Variants in PRKCA observed in about 807,000 individuals in gnomAD.
The protein encoded by PRKCA is protein kinase C alpha type.
In PRKCA, 27 loss-of-function variants were observed where a neutral mutation model predicts 87.0. That is an observed-to-expected ratio of 0.31 (90% CI 0.23 to 0.43). The LOEUF (loss-of-function observed/expected upper bound fraction) is 0.43, where lower values mean the gene tolerates loss of function less well. Among genes scored for constraint, PRKCA ranks in the 20% least tolerant of loss-of-function variants. The pLI is 1.00. For synonymous variants in PRKCA, 329 were observed against 311.1 expected (o/e 1.06, Z -0.61); for missense variants, 518 against 852.3 (o/e 0.61, Z 4.88).
At chr17:66,476,780 T>C (rs944823127) in intron 2 of PRKCA, among the ~76,000 whole-genome samples, 1 of 152,208 alleles carries the variant, frequency 6.6e-6, no homozygotes, top group Non-Finnish European at 1.5e-5. Context: ...CCCTCAGTCT[T>C]GTTGCAAGTT....
Position 66,570,961 on chromosome 17 carries a change from A to G in PRKCA, c.289-70394A>G, listed in dbSNP as rs1969063144. On this transcript the variant is annotated intron_variant, in intron 3 of 16. Coordinates refer to ENST00000413366, the MANE Select transcript of PRKCA (RefSeq NM_002737.3). ...CTACATATGGAAATCACATCCACCC[A>G]CCTCTAAGGTTGCTGTGAAGGTAAG... 2.6e-5 allele frequency among the ~76,000 whole-genome samples: 4 copies of G among 152,098 alleles called. No homozygotes were observed. The South Asian group carries it at 8.3e-4, about 31-fold the overall frequency.
intron 3 of PRKCA, among the ~76,000 whole-genome samples, chr17:66,588,379 A>G (rs564510813): frequency 2.0e-5 from 3 of 152,174 alleles, no homozygotes; most frequent in Admixed American, 2.0e-4. Flanking sequence ...TCTGGATACT[A>G]ATTTTTTGTT....
At chr17:66,627,310 G>T (rs1213278088) in intron 3 of PRKCA, among the ~76,000 whole-genome samples, 4 of 147,864 alleles carry the variant, frequency 2.7e-5, no homozygotes, top group Admixed American at 2.6e-4. Flanking sequence ...CGTGGGGGTT[G>T]GGGGGAATGT....
At chr17:66,331,152 G>A (rs1046240705) in intron 2 of PRKCA, among the ~76,000 whole-genome samples, 1 of 152,136 alleles carries the variant, frequency 6.6e-6, no homozygotes, top group Non-Finnish European at 1.5e-5. Flanking sequence ...CATGTTATCA[G>A]GGGAAGGGAG....
rs566890196 is a variant in PRKCA, at chr17:66,553,913, GTA to G, written c.288+57631_288+57632del. On this transcript the variant is annotated intron_variant, in intron 3 of 16. Transcript: ENST00000413366. The stretch of plus-strand genomic sequence containing the variant: ...GGTGATCCAGAGAGTCTCCTTGAAA[GTA>G]CAGTGTTGAACCTTGGACTTTGGGG... Among the ~76,000 whole-genome samples the G allele has an allele frequency of 6.8e-4, 103 of 152,310 alleles. No homozygotes were observed. In the South Asian group the frequency reaches 0.02, roughly 30 times the overall value.
At chr17:66,476,718 T>C (rs1915550968) in intron 2 of PRKCA, among the ~76,000 whole-genome samples, 1 of 152,242 alleles carries the variant, frequency 6.6e-6, no homozygotes, top group African/African-American at 2.4e-5. Context: ...ATTGACCTTC[T>C]TGTTAGTTGG....
chr17:66,619,240 AG>A (rs1419999604), intron 3 of PRKCA, among the ~76,000 whole-genome samples: 1 of 152,196 alleles, frequency 6.6e-6, no homozygotes, highest in Non-Finnish European at 1.5e-5. Flanking sequence ...TGTTTCCAAA[AG>A]GAAACAAATT....
At chr17:66,351,662 T>G (rs1907754220) in intron 2 of PRKCA, among the ~76,000 whole-genome samples, 1 of 152,198 alleles carries the variant, frequency 6.6e-6, no homozygotes, top group East Asian at 1.9e-4. Context: ...AATATTAACT[T>G]TTTAAACGAT....
At chr17:66,718,200 T>C (rs147923256) in intron 8 of PRKCA, among the ~76,000 whole-genome samples, 1 of 152,298 alleles carries the variant, frequency 6.6e-6, no homozygotes, top group East Asian at 1.9e-4. Flanking sequence ...AAGTCTAAAA[T>C]CAAGGCAGGT....
chr17:66,363,090 C>T (rs1908492601), intron 2 of PRKCA, among the ~76,000 whole-genome samples: 1 of 152,162 alleles, frequency 6.6e-6, no homozygotes, highest in African/African-American at 2.4e-5. Context: ...TTTTAAAGTG[C>T]CCCAAACATC....
chr17:66,694,790 AAG>A (rs1386471102), intron 8 of PRKCA, among the ~76,000 whole-genome samples: 1 of 142,500 alleles, frequency 7.0e-6, no homozygotes, highest in Non-Finnish European at 1.6e-5. Flanking sequence ...AAAAAAAAAA[AAG>A]GTATCTTCTA....
At chr17:66,494,910 C>CT (rs1916403955) in intron 2 of PRKCA, among the ~76,000 whole-genome samples, 1 of 152,024 alleles carries the variant, frequency 6.6e-6, no homozygotes, top group African/African-American at 2.4e-5. Context: ...CGAGACTAGC[C>CT]TGGCCAACAT....
At chr17:66,770,080 T>C (rs1974899121) in intron 13 of PRKCA, among the ~76,000 whole-genome samples, 3 of 152,242 alleles carry the variant, frequency 2.0e-5, no homozygotes, top group Non-Finnish European at 2.9e-5. Context: ...CTCAGATTTA[T>C]ACATTTCTAG....
intron 2 of PRKCA, among the ~76,000 whole-genome samples, chr17:66,491,375 C>T (rs1055435405): frequency 1.3e-5 from 2 of 152,186 alleles, no homozygotes; most frequent in African/African-American, 4.8e-5. Context: ...CTTGCTTGAG[C>T]AAAGACTTGT....
chr17:66,679,342 G>A (rs938033123), intron 5 of PRKCA, among the ~76,000 whole-genome samples: 2 of 151,960 alleles, frequency 1.3e-5, no homozygotes, highest in Non-Finnish European at 2.9e-5. Flanking sequence ...CACCACACCC[G>A]GCTAATTTTT....
At chr17:66,340,983 A>C (rs1907009369) in intron 2 of PRKCA, among the ~76,000 whole-genome samples, 1 of 152,050 alleles carries the variant, frequency 6.6e-6, no homozygotes, top group African/African-American at 2.4e-5. Flanking sequence ...GAGTCCTTAT[A>C]TTATTTATTC....
At chr17:66,777,786 G>C (rs138078428) in intron 14 of PRKCA, 2 of 985,318 alleles carry the variant, frequency 2.0e-6, no homozygotes, top group East Asian at 1.1e-4. Context: ...ATCTGTTTCC[G>C]AGGGCGCTTT....
chr17:66,655,041 C>T (rs1325291840), intron 5 of PRKCA, among the ~76,000 whole-genome samples: 2 of 152,218 alleles, frequency 1.3e-5, no homozygotes, highest in East Asian at 3.9e-4. Context: ...CCAAATCTAG[C>T]AGTCACCTGC....
At chr17:66,559,646 G>A (rs750618561) in intron 3 of PRKCA, among the ~76,000 whole-genome samples, 26 of 151,958 alleles carry the variant, frequency 1.7e-4, no homozygotes, top group Non-Finnish European at 3.5e-4. Context: ...AATTTTGAAT[G>A]ATGGACTTAT....
Sources: gnomAD v4.1 joint callset for allele counts (sites outside exome capture counted in the v4.1 genomes callset) on GRCh38, gnomAD v4.1.1 for gene constraint, MANE v1.5 for transcripts, NCBI Gene and HGNC (gene_info 2026-07-23, HGNC 2026-07-21) for gene names.